The following NARS2 variants were observed in gnomAD, a reference collection of about 807,000 sequenced individuals.
NARS2 encodes asparaginyl-tRNA synthetase.
A neutral mutation model predicts 62.9 loss-of-function variants in NARS2; 60 were observed. That is an observed-to-expected ratio of 0.95 (90% CI 0.77 to 1.18). The LOEUF (loss-of-function observed/expected upper bound fraction) is 1.18. Ranked by LOEUF, NARS2 falls within the 50% of genes most tolerant of loss-of-function variation. NARS2 has a pLI of 0.00. For synonymous variants in NARS2, 196 were observed against 200.0 expected, an observed-to-expected ratio of 0.98 and a Z score of 0.17; for missense variants, 619 against 576.4, an observed-to-expected ratio of 1.07 and a Z score of -0.76.
chr11:78,456,043 T>C (rs1271917982), intron 11 of NARS2, among the ~76,000 whole-genome samples: 2 of 152,170 alleles, frequency 1.3e-5, no homozygotes, highest in African/African-American at 4.8e-5. Flanking sequence ...TCTCTAATCT[T>C]ACAAAGTTAA....
chr11:78,514,216 G>C (rs764629595), intron 6 of NARS2, among the ~76,000 whole-genome samples: 1 of 152,042 alleles, frequency 6.6e-6, no homozygotes, highest in Non-Finnish European at 1.5e-5. Flanking sequence ...TCGACCTCCT[G>C]GACTCAATAA....
Position 78,436,606 on chromosome 11 carries a change from T to A in NARS2, c.*64A>T. On this transcript the variant is annotated 3_prime_UTR_variant, in exon 14 of 14. Transcript: ENST00000281038. ...TCTAAAATCCAAACATGCATTCTGC[T>A]GTATGCACAATCATGTGCAGTGTCT... is the stretch of plus-strand genomic sequence containing the variant. 1 of 1,525,960 alleles carries A rather than the reference T, an allele frequency of 6.6e-7. No homozygotes were observed. The highest frequency in any genetic ancestry group is 9.0e-7 in the Non-Finnish European group (1 of 1,112,416). The allele number at this position is 1,525,960 out of a possible 1,614,324, so 94.5% of individuals were successfully genotyped here.
At chr11:78,476,352 G>A (rs1859094973) in intron 9 of NARS2, among the ~76,000 whole-genome samples, 1 of 152,102 alleles carries the variant, frequency 6.6e-6, no homozygotes, top group South Asian at 2.1e-4. Context: ...GGGCCTCCTA[G>A]GAAGCATCAC....
At chr11:78,505,101 G>A (rs1170467458) in intron 6 of NARS2, among the ~76,000 whole-genome samples, 1 of 151,368 alleles carries the variant, frequency 6.6e-6, no homozygotes, top group African/African-American at 2.4e-5. Flanking sequence ...TTCATAGCAA[G>A]AGAAATTCAC....
At position 78,560,557 on chromosome 11, in the gene NARS2, A is replaced by G. The variant is rs139681484; in HGVS notation, c.514-938T>C. Among the ~76,000 whole-genome samples the G allele has an allele frequency of 1.4e-3, 217 of 152,356 alleles. 1 individual carries two copies. The highest frequency in any genetic ancestry group is 4.6e-3 in the African/African-American group (193 of 41,584). ...AAATTTTGGTCTTGGAATCAATACA[A>G]TAAATTCTTAAATACATATCTCTGC... On this transcript the variant is annotated intron_variant, in intron 4 of 13. Transcript: ENST00000281038.
intron 5 of NARS2, among the ~76,000 whole-genome samples, chr11:78,553,928 G>A (rs528097989): frequency 1.3e-5 from 2 of 152,302 alleles, no homozygotes; most frequent in African/African-American, 4.8e-5. Context: ...ATGATGTAAG[G>A]AAGAGGTCCA....
chr11:78,506,163 T>A (rs767839120), intron 6 of NARS2, among the ~76,000 whole-genome samples: 2 of 152,190 alleles, frequency 1.3e-5, no homozygotes, highest in Non-Finnish European at 2.9e-5. Flanking sequence ...TATCCTATAC[T>A]CACTAGAATG....
chr11:78,484,618 C>T (rs1382874190), intron 7 of NARS2, among the ~76,000 whole-genome samples: 1 of 152,092 alleles, frequency 6.6e-6, no homozygotes. Context: ...ATGCAGCCAA[C>T]AAACATACGA....
At chr11:78,441,257 T>G in intron 12 of NARS2, 140 bp from the exon 13 acceptor site, 1 of 665,124 alleles carries the variant, frequency 1.5e-6, no homozygotes, top group Non-Finnish European at 2.5e-6. Flanking sequence ...TAATACTCAA[T>G]ATAGTTGAGG....
intron 5 of NARS2, among the ~76,000 whole-genome samples, chr11:78,555,711 T>C (rs1856326368): frequency 6.6e-6 from 1 of 152,166 alleles, no homozygotes; most frequent in Non-Finnish European, 1.5e-5. Context: ...TTATTTCTCA[T>C]CTTTTGCTAG....
intron 5 of NARS2, among the ~76,000 whole-genome samples, chr11:78,538,132 G>A (rs1334804058): frequency 6.6e-6 from 1 of 152,088 alleles, no homozygotes; most frequent in African/African-American, 2.4e-5. Flanking sequence ...TAGTCACTTA[G>A]CAGCAGTCTT....
intron 6 of NARS2, among the ~76,000 whole-genome samples, chr11:78,494,049 CAA>C (rs1349852882): frequency 1.3e-5 from 2 of 152,196 alleles, no homozygotes; most frequent in Admixed American, 1.3e-4. Context: ...GTCTTTCAAT[CAA>C]TGGTGAATGA....
chr11:78,545,721 A>G (rs1314917315), intron 5 of NARS2, among the ~76,000 whole-genome samples: 1 of 151,516 alleles, frequency 6.6e-6, no homozygotes, highest in Non-Finnish European at 1.5e-5. Flanking sequence ...GAGATGGGAG[A>G]TGGGGTTCTG....
chr11:78,457,447 T>G (rs551177011), intron 11 of NARS2, among the ~76,000 whole-genome samples: 1 of 152,314 alleles, frequency 6.6e-6, no homozygotes, highest in East Asian at 1.9e-4. Context: ...GCCCAAAGCT[T>G]CTTCCTTCAC....
intron 4 of NARS2, among the ~76,000 whole-genome samples, chr11:78,560,575 A>G (rs1292036562): frequency 1.3e-5 from 2 of 152,244 alleles, no homozygotes; most frequent in Non-Finnish European, 2.9e-5. Flanking sequence ...TTAAATACAT[A>G]TCTCTGCCAA....
At position 78,574,520 on chromosome 11, in the gene NARS2, G is replaced by T; in HGVS notation, c.-32C>A. On this transcript the variant is annotated 5_prime_UTR_variant, in exon 1 of 14. In the 5' UTR this introduces an upstream ATG that the reference lacks. Transcript: ENST00000281038. Reference sequence around the variant, plus strand: ...TCCGCCCAGGCCCTCCGCGGGAGCAGCCCAGACCCCACGGTTCGAACCCCG... The same window carrying T: ...TCCGCCCAGGCCCTCCGCGGGAGCATCCCAGACCCCACGGTTCGAACCCCG... 6.3e-7 allele frequency: 1 copy of T among 1,574,958 alleles called. No homozygotes were observed. Among genetic ancestry groups the T allele is most frequent in the Non-Finnish European group, 8.6e-7 (1 of 1,162,632 alleles).
chr11:78,472,643 AAAGAATAC>A (rs1317514241), intron 9 of NARS2, among the ~76,000 whole-genome samples: 3 of 152,264 alleles, frequency 2.0e-5, no homozygotes, highest in African/African-American at 7.2e-5. Flanking sequence ...AATCTACTCA[AAAGAATAC>A]AAGTCACATG....
In NARS2 at chr11:78,574,503, G is replaced by A; in HGVS notation, c.-15C>T. The stretch of plus-strand genomic sequence containing the variant: ...ACCCCCAGCATCCCGCGTCCGCCCA[G>A]GCCCTCCGCGGGAGCAGCCCAGACC... On this transcript the variant is annotated 5_prime_UTR_variant, in exon 1 of 14. Coordinates refer to ENST00000281038, the MANE Select transcript of NARS2 (RefSeq NM_024678.6). 6.3e-7 allele frequency: 1 copy of A among 1,599,524 alleles called. No individual in the cohort carries two copies. Among genetic ancestry groups the A allele is most frequent in the Non-Finnish European group, 8.5e-7 (1 of 1,173,926 alleles).
intron 9 of NARS2, among the ~76,000 whole-genome samples, chr11:78,473,136 A>C (rs1858945253): frequency 6.6e-6 from 1 of 152,226 alleles, no homozygotes; most frequent in Admixed American, 6.5e-5. Flanking sequence ...ACTGCCCTCC[A>C]GCCTGGAAAA....
Sources: allele counts gnomAD v4.1 joint callset (sites outside exome capture counted in the v4.1 genomes callset), GRCh38; gene constraint gnomAD v4.1.1; transcripts MANE v1.5; gene names NCBI Gene and HGNC (gene_info 2026-07-23, HGNC 2026-07-21).